The following MMP24 variants were observed in gnomAD, a reference collection of about 807,000 sequenced individuals.
MMP24 encodes matrix metallopeptidase 24.
In MMP24, 25 loss-of-function variants were observed where a neutral mutation model predicts 62.8. The ratio of observed to expected loss-of-function variants is 0.40; its 90% CI spans 0.29 to 0.56. The LOEUF is 0.56. Ranked by LOEUF, MMP24 falls within the 20% of genes least tolerant of loss-of-function variation. MMP24 has a pLI of 0.50. For synonymous variants in MMP24, 319 were observed against 350.5 expected, an observed-to-expected ratio of 0.91 and a Z score of 1.00; for missense variants, 634 against 853.6, an observed-to-expected ratio of 0.74 and a Z score of 3.21.
At chr20:35,268,884 G>A (rs867554611) in intron 6 of MMP24, among the ~76,000 whole-genome samples, 28 of 152,260 alleles carry the variant, frequency 1.8e-4, no homozygotes, top group Middle Eastern at 6.8e-3. Context: ...AAAATTAGCC[G>A]GGTGTGGTGG....
rs2060666981 is a variant in MMP24 at position 35,271,169 on chromosome 20, G to A, written c.1334-400G>A. 6.6e-6 allele frequency among the ~76,000 whole-genome samples: 1 copy of A among 152,210 alleles called. No individual in the cohort carries two copies. Among genetic ancestry groups the A allele is most frequent in the South Asian group, 2.1e-4 (1 of 4,830 alleles). ...GGGAGCCCCTCTGTGGTGCAGATGAGGAGCTCTGGGGAGCCAGCCAATGCA... is the reference window on the plus strand; with the variant it reads ...GGGAGCCCCTCTGTGGTGCAGATGAAGAGCTCTGGGGAGCCAGCCAATGCA... On this transcript the variant is annotated intron_variant, in intron 7 of 8. Transcript: ENST00000246186. This position sits in a 1 kb window ranked among gnomAD's most constrained non-coding sequence, Gnocchi z 4.0.
At position 35,269,975 on chromosome 20, in the gene MMP24, G is replaced by A. The variant is rs1233533165; in HGVS notation, c.1333+77G>A. On this transcript the variant is annotated intron_variant, in intron 7 of 8. Transcript: ENST00000246186. This position sits in a 1 kb window ranked among gnomAD's most constrained non-coding sequence, Gnocchi z 4.6. The stretch of plus-strand genomic sequence containing the variant: ...CCTTTTTCCCATCTAAACTGGAAGA[G>A]GCGGGGTGGGAGGCAGATGTCCTCA... 4 of 1,522,088 alleles carry A rather than the reference G, an allele frequency of 2.6e-6. No individual in the cohort carries two copies. In the East Asian group the frequency reaches 9.8e-5, roughly 37 times the overall value. 94.3% of individuals were successfully genotyped at this position (1,522,088 alleles called of 1,614,324 possible).
intron 4 of MMP24, among the ~76,000 whole-genome samples, chr20:35,262,249 G>A (rs531716827): frequency 1.1e-3 from 175 of 152,226 alleles, no homozygotes; most frequent in African/African-American, 3.1e-3. Context: ...GGGAACCAGC[G>A]CTCACCATAT....
chr20:35,254,492 G>A lies in MMP24; in HGVS notation c.555G>A (p.Arg185=), dbSNP rs1263054264. Residue 185 remains arginine, a synonymous_variant, in exon 4 of 9, where the codon CGG becomes CGA. Coordinates refer to ENST00000246186, the MANE Select transcript of MMP24 (RefSeq NM_006690.4). ...YTPKVGELDT[R]KAIRQAFDVW... is the part of the protein sequence containing the mutation. ...CAAAAGTGGGTGAGCTAGACACGCGGAAAGCTATTCGCCAGGCTTTCGATG... is the reference window on the plus strand; with the variant it reads ...CAAAAGTGGGTGAGCTAGACACGCGAAAAGCTATTCGCCAGGCTTTCGATG... The A allele has an allele frequency of 6.2e-7, 1 of 1,614,068 alleles. No homozygotes were observed. Among genetic ancestry groups the A allele is most frequent in the Admixed American group, 1.7e-5 (1 of 60,032 alleles).
chr20:35,266,643 C>G (rs2060637128), intron 5 of MMP24, among the ~76,000 whole-genome samples: 1 of 152,110 alleles, frequency 6.6e-6, no homozygotes, highest in Non-Finnish European at 1.5e-5. Flanking sequence ...TCTTGCTGCT[C>G]AAAATGTAGT....
rs983222868 is a variant in MMP24 at position 35,269,403 on chromosome 20, G to A, written c.1195-357G>A. 7.2e-5 allele frequency among the ~76,000 whole-genome samples: 11 copies of A among 152,164 alleles called. No individual in the cohort carries two copies. The highest frequency in any genetic ancestry group is 2.2e-4 in the African/African-American group (9 of 41,446). ...CGGCCCAGGCTCAGTGACCACCCCA[G>A]CCTCCCACTGTCCCGAGGACCAGTC... On this transcript the variant is annotated intron_variant, in intron 6 of 8. Transcript: ENST00000246186. The surrounding 1 kb of genome is among the most constrained non-coding windows in gnomAD (Gnocchi z 4.6).
intron 7 of MMP24, among the ~76,000 whole-genome samples, chr20:35,270,173 C>T (rs1290693523): frequency 6.6e-6 from 1 of 152,060 alleles, no homozygotes; most frequent in African/African-American, 2.4e-5. Context: ...GCCATCGGGT[C>T]AGTTCTGTAA....
chr20:35,244,214 C>T (rs2060502023), intron 1 of MMP24, among the ~76,000 whole-genome samples: 2 of 152,300 alleles, frequency 1.3e-5, no homozygotes, highest in South Asian at 2.1e-4. Context: ...AATGCCATTT[C>T]CCCAGGCTCT....
chr20:35,274,256 G>A lies in MMP24; in HGVS notation c.1601-16G>A. On this transcript the variant is annotated splice_polypyrimidine_tract_variant and intron_variant, in intron 8 of 8. Transcript: ENST00000246186. This position sits in a 1 kb window ranked among gnomAD's most constrained non-coding sequence, Gnocchi z 5.1. ...GAAGTGTCTGGGAGTGGTGATGCTG[G>A]GCTGTATTTCTGCAGATTACACCTA... 1 of 1,589,526 alleles carries A rather than the reference G, an allele frequency of 6.3e-7. No homozygotes were observed. Among genetic ancestry groups the A allele is most frequent in the Non-Finnish European group, 8.6e-7 (1 of 1,169,208 alleles).
intron 1 of MMP24, among the ~76,000 whole-genome samples, chr20:35,235,857 C>G (rs1446001649): frequency 1.3e-5 from 2 of 152,058 alleles, no homozygotes; most frequent in Non-Finnish European, 2.9e-5. Flanking sequence ...GTGAGGAAGA[C>G]TAAGGCCTCT....
intron 2 of MMP24, among the ~76,000 whole-genome samples, chr20:35,251,178 G>A (rs1198775782): frequency 1.3e-5 from 2 of 150,542 alleles, no homozygotes; most frequent in Non-Finnish European, 2.9e-5. Flanking sequence ...GAGCACAATG[G>A]CACAATCTTG....
intron 7 of MMP24, among the ~76,000 whole-genome samples, chr20:35,270,103 C>T (rs1200577837): frequency 2.0e-5 from 3 of 152,284 alleles, no homozygotes; most frequent in East Asian, 3.9e-4. Flanking sequence ...TGACCAGCTT[C>T]GTCCACATGA....
chr20:35,255,095 C>T (rs997095874), intron 4 of MMP24, among the ~76,000 whole-genome samples: 1 of 152,206 alleles, frequency 6.6e-6, no homozygotes, highest in African/African-American at 2.4e-5. Context: ...CTTTGGGAGG[C>T]CAAGGCAGGT....
intron 3 of MMP24, among the ~76,000 whole-genome samples, chr20:35,253,911 C>A (rs957409162): frequency 1.4e-5 from 2 of 145,126 alleles, no homozygotes; most frequent in African/African-American, 5.5e-5. Flanking sequence ...CTCTTGTTAC[C>A]CAGGCTGGAG....
chr20:35,233,757 A>G (rs2060448687), intron 1 of MMP24, among the ~76,000 whole-genome samples: 2 of 152,172 alleles, frequency 1.3e-5, no homozygotes, highest in South Asian at 4.1e-4. Context: ...CAGCACCCAC[A>G]AGGATCACTT....
intron 4 of MMP24, among the ~76,000 whole-genome samples, chr20:35,261,885 C>T (rs550240015): frequency 3.4e-4 from 51 of 151,372 alleles, no homozygotes; most frequent in African/African-American, 1.2e-3. Context: ...ACTGCAACCT[C>T]CACCTCCCAG....
At chr20:35,238,955 G>A (rs2060475822) in intron 1 of MMP24, among the ~76,000 whole-genome samples, 1 of 152,048 alleles carries the variant, frequency 6.6e-6, no homozygotes, top group Non-Finnish European at 1.5e-5. Flanking sequence ...GCCCACTGCA[G>A]CCTCCAACTC....
chr20:35,265,567 T>C (rs2060628501), intron 5 of MMP24, among the ~76,000 whole-genome samples: 1 of 152,124 alleles, frequency 6.6e-6, no homozygotes, highest in African/African-American at 2.4e-5. Flanking sequence ...TTAAATTTCA[T>C]AGTAATGAAA....
chr20:35,269,819 C>A lies in MMP24; in HGVS notation c.1254C>A (p.Ile418=), dbSNP rs371306332. 6 of 1,564,950 alleles carry A rather than the reference C, an allele frequency of 3.8e-6. No individual in the cohort carries two copies. In the African/African-American group the frequency reaches 6.8e-5, roughly 18 times the overall value. ...NRVQEGYPMQ[I]EQFWKGLPAR... is the part of the protein sequence containing the mutation. ...TGCAGGAGGGCTACCCCATGCAGAT[C>A]GAGCAGTTCTGGAAGGGCCTGCCTG... The change falls in exon 7 of 9, where the codon ATC becomes ATA. Residue 418 remains isoleucine (I), a synonymous_variant. Coordinates refer to ENST00000246186, the MANE Select transcript of MMP24 (RefSeq NM_006690.4). This position sits in a 1 kb window ranked among gnomAD's most constrained non-coding sequence, Gnocchi z 4.6.
Sources: gnomAD v4.1 joint callset for allele counts (sites outside exome capture counted in the v4.1 genomes callset) on GRCh38, gnomAD v4.1.1 for gene constraint, Gnocchi (gnomAD v3.1) non-coding constraint, MANE v1.5 for transcripts, NCBI Gene and HGNC (gene_info 2026-07-23, HGNC 2026-07-21) for gene names.